The following ESYT2 variants were observed in gnomAD, a reference collection of about 807,000 sequenced individuals.
ESYT2 encodes the protein extended synaptotagmin 2, also known as extended synaptotagmin-2.
In ESYT2, 54 loss-of-function variants were observed where a neutral mutation model predicts 107.2. That is an observed-to-expected ratio of 0.50 (90% CI 0.40 to 0.63). The LOEUF (loss-of-function observed/expected upper bound fraction) is 0.63, where lower values mean the gene tolerates loss of function less well. Ranked by LOEUF, ESYT2 falls within the 30% of genes least tolerant of loss-of-function variation. ESYT2 has a pLI of 0.00. For synonymous variants in ESYT2, 491 were observed against 434.1 expected, an observed-to-expected ratio of 1.13 and a Z score of -1.63; for missense variants, 1,020 against 1,094.5, an observed-to-expected ratio of 0.93 and a Z score of 0.96.
rs113509777 is a variant in ESYT2 at position 158,749,396 on chromosome 7, G to A, written c.1557+253C>T. 5.1e-3 allele frequency among the ~76,000 whole-genome samples: 775 copies of A among 152,280 alleles called. 4 individuals are homozygous for A. The highest frequency in any genetic ancestry group is 0.018 in the African/African-American group (745 of 41,548). On this transcript the variant is annotated intron_variant, in intron 15 of 22. Coordinates refer to ENST00000275418, the MANE Select transcript of ESYT2 (RefSeq NM_001367773.1). ...GGCCTCCCAAATTGTGGGGATTACAGGTAGGAGCCACCACACCTAGCCACT... is the reference window on the plus strand; with the variant it reads ...GGCCTCCCAAATTGTGGGGATTACAAGTAGGAGCCACCACACCTAGCCACT...
chr7:158,739,672 C>T (rs1837122020), intron 18 of ESYT2, among the ~76,000 whole-genome samples: 1 of 152,102 alleles, frequency 6.6e-6, no homozygotes, highest in African/African-American at 2.4e-5. Flanking sequence ...TAGTTAGGGT[C>T]CTGAAAACTA....
chr7:158,823,071 T>C (rs1390679007), intron 1 of ESYT2, among the ~76,000 whole-genome samples: 1 of 151,810 alleles, frequency 6.6e-6, no homozygotes, highest in African/African-American at 2.4e-5. Flanking sequence ...GGCAGGCGGA[T>C]TGCCTGAGCT....
chr7:158,737,848 G>A (rs1050143289), intron 19 of ESYT2, among the ~76,000 whole-genome samples: 2 of 152,046 alleles, frequency 1.3e-5, no homozygotes, highest in Non-Finnish European at 2.9e-5. Flanking sequence ...CCACTAATAG[G>A]ACAGAGAAAA....
At position 158,764,707 on chromosome 7, in the gene ESYT2, G is replaced by A; in HGVS notation, c.1071C>T (p.Asn357=). The A allele has an allele frequency of 1.2e-6, 2 of 1,614,140 alleles. No individual in the cohort carries two copies. Among genetic ancestry groups the A allele is most frequent in the Non-Finnish European group, 1.7e-6 (2 of 1,180,020 alleles). Residue 357 remains asparagine (N), a synonymous_variant, in exon 9 of 23, where the codon AAC becomes AAT. Transcript: ENST00000275418. ...AGACTTCATTCCACTTTGGACTGAGGTTCTCCTTGATGACTCTGCTTTGGA... is the reference window on the plus strand; with the variant it reads ...AGACTTCATTCCACTTTGGACTGAGATTCTCCTTGATGACTCTGCTTTGGA... ...QIFQSRVIKE[N]LSPKWNEVYE...
intron 16 of ESYT2, 85 bp downstream of exon 16, chr7:158,748,109 T>TACA: frequency 8.0e-7 from 1 of 1,257,674 alleles, no homozygotes; most frequent in South Asian, 1.3e-5. Context: ...CCCAGGTGTA[T>TACA]ACACGGGTCA....
chr7:158,743,834 A>C, intron 16 of ESYT2, 156 bp from the exon 17 acceptor site: 1 of 764,888 alleles, frequency 1.3e-6, no homozygotes, highest in Non-Finnish European at 1.9e-6. Context: ...TAATTTCAGC[A>C]CTTTGGGAGG....
At chr7:158,740,908 G>A (rs1837173187) in intron 18 of ESYT2, among the ~76,000 whole-genome samples, 2 of 152,092 alleles carry the variant, frequency 1.3e-5, no homozygotes, top group Admixed American at 6.6e-5. Flanking sequence ...ACCACACAGG[G>A]AGAACTATTT....
chr7:158,782,194 TGA>T (rs1409380558), intron 6 of ESYT2, among the ~76,000 whole-genome samples: 1 of 145,640 alleles, frequency 6.9e-6, no homozygotes, highest in Non-Finnish European at 1.5e-5. Context: ...AAAGAACAAG[TGA>T]GAACAAGTGT....
intron 1 of ESYT2, among the ~76,000 whole-genome samples, chr7:158,817,779 TA>T (rs1428011006): frequency 6.6e-6 from 1 of 152,258 alleles, no homozygotes; most frequent in African/African-American, 2.4e-5. Context: ...CAGATTAAAC[TA>T]AATGCTTTAA....
intron 8 of ESYT2, 39 bp downstream of exon 8, chr7:158,767,615 G>C (rs746001893): frequency 1.3e-6 from 2 of 1,594,864 alleles, no homozygotes; most frequent in Non-Finnish European, 1.7e-6. Flanking sequence ...AGGTCTCCAA[G>C]ATGTTTTTAA....
intron 22 of ESYT2, 64 bp from the exon 23 acceptor site, chr7:158,734,316 A>G: frequency 1.2e-6 from 2 of 1,613,112 alleles, no homozygotes; most frequent in South Asian, 2.2e-5. Flanking sequence ...AGCCTATCAG[A>G]TACGTGTCGG....
At chr7:158,797,777 C>T (rs1323857667) in intron 3 of ESYT2, among the ~76,000 whole-genome samples, 165 bp downstream of exon 3, 1 of 151,422 alleles carries the variant, frequency 6.6e-6, no homozygotes, top group Non-Finnish European at 1.5e-5. Flanking sequence ...TAGTGTGAAC[C>T]TGGGAGGCAG....
intron 16 of ESYT2, among the ~76,000 whole-genome samples, chr7:158,745,222 C>T (rs1587379068): frequency 7.0e-6 from 1 of 142,762 alleles, no homozygotes; most frequent in African/African-American, 2.5e-5. Flanking sequence ...GAGACAGGGT[C>T]AGGCAAGCGG....
At chr7:158,802,006 T>A (rs1274421109) in intron 1 of ESYT2, among the ~76,000 whole-genome samples, 1 of 152,048 alleles carries the variant, frequency 6.6e-6, no homozygotes, top group African/African-American at 2.4e-5. Flanking sequence ...GGGGAACAGG[T>A]AGAATAAAGA....
intron 1 of ESYT2, among the ~76,000 whole-genome samples, chr7:158,814,273 C>CAA (rs1186774353): frequency 1.0e-5 from 1 of 98,382 alleles, no homozygotes; most frequent in African/African-American, 4.1e-5. Context: ...GACTCCGTCT[C>CAA]AAAAAAAAAA....
At chr7:158,793,785 G>GTT in intron 3 of ESYT2, 59 bp from the exon 4 acceptor site, 1 of 1,290,156 alleles carries the variant, frequency 7.8e-7, no homozygotes, top group South Asian at 1.3e-5. Flanking sequence ...ATCAAACCGT[G>GTT]TAACATACCA....
rs544949401 is a variant in ESYT2, at chr7:158,829,211, G to C, written c.208C>G (p.Leu70Val). Residue 70 changes from leucine to valine, a missense_variant, in exon 1 of 23, where the codon CTC (leucine) becomes GTC (valine). Leu to Val is a conservative substitution (Grantham distance 32, BLOSUM62 1). Transcript: ENST00000275418. Reference protein sequence around the residue: ...FSWVLLALALLAWCRRSRGLK... With the variant: ...FSWVLLALALVAWCRRSRGLK... ...CCGCGGCTGCGGCGACACCAGGCGA[G>C]CAGCGCGAGCGCGAGGAGAACCCAG... 6.5e-7 allele frequency: 1 copy of C among 1,530,674 alleles called. No individual in the cohort carries two copies. 94.8% of individuals were successfully genotyped at this position (1,530,674 alleles called of 1,614,324 possible). A position where few individuals can be genotyped will look rare whatever the true frequency, so the allele number is the denominator to read the frequency against.
chr7:158,814,118 C>CA lies in ESYT2; in HGVS notation c.330+14970dup, dbSNP rs565685466. Among the ~76,000 whole-genome samples, 21 of 151,622 alleles carry CA rather than the reference C, an allele frequency of 1.4e-4. No homozygotes were observed. In the South Asian group the frequency reaches 4.4e-3, roughly 32 times the overall value. On this transcript the variant is annotated intron_variant, in intron 1 of 22. Transcript: ENST00000275418. Reference sequence around the variant, plus strand: ...GAAACCCTGTCTCTACTAGAAAATACAAAAAATTAGTCGGGCGTGGTGGTG... The same window carrying CA: ...GAAACCCTGTCTCTACTAGAAAATACAAAAAAATTAGTCGGGCGTGGTGGTG...
intron 1 of ESYT2, among the ~76,000 whole-genome samples, chr7:158,820,000 A>G (rs1584888709): frequency 1.3e-5 from 2 of 152,236 alleles, no homozygotes; most frequent in Non-Finnish European, 2.9e-5. Context: ...CCGAAAGGAC[A>G]CTGCTGCTGC....
Sources: allele counts gnomAD v4.1 joint callset (sites outside exome capture counted in the v4.1 genomes callset), GRCh38; gene constraint gnomAD v4.1.1; transcripts MANE v1.5; gene names NCBI Gene and HGNC (gene_info 2026-07-23, HGNC 2026-07-21).